The following MSH3 variants were observed in gnomAD, a reference collection of about 807,000 sequenced individuals.
MSH3 encodes DNA mismatch repair protein Msh3.
In MSH3, 106 loss-of-function variants were observed where a neutral mutation model predicts 123.3. The observed-to-expected ratio is 0.86, with a 90% CI of 0.73 to 1.01. MSH3 has a LOEUF of 1.01. Ranked by LOEUF, MSH3 falls within the 50% of genes least tolerant of loss-of-function variation. The pLI is 0.00. For missense variants in MSH3, 1,459 were observed against 1,347.6 expected (o/e 1.08, Z -1.29); for synonymous variants, 515 against 481.4 (o/e 1.07, Z -0.91).
intron 12 of MSH3, among the ~76,000 whole-genome samples, chr5:80,745,863 C>T (rs1450990737): frequency 2.6e-5 from 4 of 152,212 alleles, no homozygotes; most frequent in African/African-American, 9.6e-5. Flanking sequence ...CCCTGTGTTA[C>T]TCTGTGATTA....
At chr5:80,747,974 T>C (rs1743752115) in intron 12 of MSH3, among the ~76,000 whole-genome samples, 1 of 152,218 alleles carries the variant, frequency 6.6e-6, no homozygotes. Flanking sequence ...GGTGTTGTTG[T>C]TTATACTGAC....
intron 21 of MSH3, 122 bp from the exon 22 acceptor site, chr5:80,864,691 C>T (rs529924969): frequency 3.2e-5 from 26 of 802,328 alleles, no homozygotes; most frequent in Middle Eastern, 3.4e-4. Flanking sequence ...AATAATTGGT[C>T]GTTGTACTTT....
In MSH3 at chr5:80,813,550, G is replaced by A. The variant is rs1303235442; in HGVS notation, c.2656-34G>A. ...TGTGGATATTATCAAAAACTTTTCT[G>A]GTACAATAAGTGAAATTCCTTTCTA... On this transcript the variant is annotated intron_variant, in intron 19 of 23. Transcript: ENST00000265081. 8 of 1,611,850 alleles carry A rather than the reference G, an allele frequency of 5.0e-6. 1 individual carries two copies. The Middle Eastern group carries it at 4.9e-4, about 99-fold the overall frequency.
At chr5:80,828,617 T>C (rs951534293) in intron 20 of MSH3, among the ~76,000 whole-genome samples, 1 of 152,226 alleles carries the variant, frequency 6.6e-6, no homozygotes, top group African/African-American at 2.4e-5. Flanking sequence ...GTAAATTTCT[T>C]ACAGCTGTGA....
intron 20 of MSH3, among the ~76,000 whole-genome samples, chr5:80,852,240 G>T (rs895691092): frequency 6.6e-6 from 1 of 152,260 alleles, no homozygotes; most frequent in South Asian, 2.1e-4. Flanking sequence ...GTGGGCACTC[G>T]CTTGAGCCTG....
intron 20 of MSH3, among the ~76,000 whole-genome samples, chr5:80,838,789 A>T (rs114756209): frequency 6.6e-6 from 1 of 152,162 alleles, no homozygotes; most frequent in African/African-American, 2.4e-5. Flanking sequence ...CTAAGCCAGG[A>T]CTAGAGTGAT....
intron 11 of MSH3, 40 bp downstream of exon 11, chr5:80,741,588 T>TG: frequency 7.0e-7 from 1 of 1,434,626 alleles, no homozygotes. Flanking sequence ...TAAATCGTTT[T>TG]GGGAAAAACT....
chr5:80,834,347 T>G (rs1458842766), intron 20 of MSH3, among the ~76,000 whole-genome samples: 1 of 150,632 alleles, frequency 6.6e-6, no homozygotes, highest in African/African-American at 2.4e-5. Flanking sequence ...ATTAAATATT[T>G]TATATTAAAA....
chr5:80,812,850 G>T (rs182093674), intron 19 of MSH3, among the ~76,000 whole-genome samples: 1 of 152,076 alleles, frequency 6.6e-6, no homozygotes, highest in South Asian at 2.1e-4. Context: ...GAGCCACCGC[G>T]CCTGGCCAGC....
At position 80,677,128 on chromosome 5, in the gene MSH3, T is replaced by C. The variant is rs188828732; in HGVS notation, c.1174-1799T>C. Among the ~76,000 whole-genome samples the C allele has an allele frequency of 3.8e-4, 58 of 152,318 alleles. No homozygotes were observed. In the East Asian group the frequency reaches 0.011, roughly 28 times the overall value. Reference sequence around the variant, plus strand: ...TCCTCAAACTCAGTGTGGCCAAAATTGATCTTATCTTCTTTTACCCTCGAC... The same window carrying C: ...TCCTCAAACTCAGTGTGGCCAAAATCGATCTTATCTTCTTTTACCCTCGAC... On this transcript the variant is annotated intron_variant, in intron 7 of 23. Coordinates refer to ENST00000265081, the MANE Select transcript of MSH3 (RefSeq NM_002439.5).
chr5:80,872,506 C>T lies in MSH3; in HGVS notation c.3131-610C>T, dbSNP rs370708059. Among the ~76,000 whole-genome samples the T allele has an allele frequency of 7.9e-5, 12 of 151,612 alleles. 1 individual carries two copies. Among genetic ancestry groups the T allele is most frequent in the African/African-American group, 2.7e-4 (11 of 41,294 alleles). ...AGGAGAAATTATATTGTATCAACCACGTACTAAGATCATTCTCATCCTGGC... is the reference window on the plus strand; with the variant it reads ...AGGAGAAATTATATTGTATCAACCATGTACTAAGATCATTCTCATCCTGGC... On this transcript the variant is annotated intron_variant, in intron 22 of 23. Transcript: ENST00000265081.
intron 8 of MSH3, among the ~76,000 whole-genome samples, chr5:80,695,630 G>A (rs1750461988): frequency 1.3e-5 from 2 of 152,084 alleles, no homozygotes; most frequent in South Asian, 2.1e-4. Flanking sequence ...CACTGTGTCC[G>A]GCCCATTTTT....
intron 14 of MSH3, 74 bp downstream of exon 14, chr5:80,768,194 T>C: frequency 7.8e-7 from 1 of 1,289,756 alleles, no homozygotes; most frequent in Non-Finnish European, 1.1e-6. Flanking sequence ...TATTTGTGGA[T>C]TCTTAATCTT....
chr5:80,658,035 C>CACTTTTTTTTTT (rs369384745), intron 2 of MSH3, among the ~76,000 whole-genome samples: 2 of 87,206 alleles, frequency 2.3e-5, no homozygotes, highest in Admixed American at 1.2e-4. Context: ...GCTTTTTGCC[C>CACTTTTTTTTTT]TCTTTTTTTT....
At chr5:80,676,101 G>A (rs930426656) in intron 7 of MSH3, among the ~76,000 whole-genome samples, 16 of 152,140 alleles carry the variant, frequency 1.1e-4, no homozygotes, top group Admixed American at 5.2e-4. Context: ...CGTGATCTTG[G>A]CTCACTGCAA....
At chr5:80,749,375 A>G in intron 12 of MSH3, among the ~76,000 whole-genome samples, 1 of 152,182 alleles carries the variant, frequency 6.6e-6, no homozygotes, top group East Asian at 1.9e-4. Context: ...GCACAGGAGA[A>G]AGATGGAGGC....
chr5:80,667,862 C>T (rs141853862), intron 3 of MSH3, among the ~76,000 whole-genome samples: 8 of 152,202 alleles, frequency 5.3e-5, no homozygotes, highest in African/African-American at 1.9e-4. Context: ...CCTGTCTTCT[C>T]TCCTTCTTGT....
At chr5:80,678,690 G>A (rs1215880511) in intron 7 of MSH3, among the ~76,000 whole-genome samples, 1 of 152,086 alleles carries the variant, frequency 6.6e-6, no homozygotes, top group African/African-American at 2.4e-5. Flanking sequence ...ATTAACTCCA[G>A]GCCTTGTATT....
intron 8 of MSH3, among the ~76,000 whole-genome samples, chr5:80,684,612 T>A (rs1750043398): frequency 1.3e-5 from 2 of 152,168 alleles, no homozygotes; most frequent in Non-Finnish European, 2.9e-5. Context: ...GTTCATCTCA[T>A]CTGCAAACAA....
Sources: gnomAD v4.1 joint callset for allele counts (sites outside exome capture counted in the v4.1 genomes callset) on GRCh38, gnomAD v4.1.1 for gene constraint, MANE v1.5 for transcripts, NCBI Gene and HGNC (gene_info 2026-07-23, HGNC 2026-07-21) for gene names.